The following CHD2 variants were observed in gnomAD, a reference collection of about 807,000 sequenced individuals.
CHD2 encodes the protein ATP-dependent chromatin remodeler CHD2.
Under a neutral mutation model 243.9 loss-of-function variants are expected in CHD2, and 28 were observed. The observed-to-expected ratio is 0.11, with a 90% CI of 0.09 to 0.16. The LOEUF is 0.16. Among genes scored for constraint, CHD2 ranks in the 10% least tolerant of loss-of-function variants. CHD2 has a pLI of 1.00. For missense variants in CHD2, 1,386 were observed against 2,209.8 expected (o/e 0.63, Z 7.47); for synonymous variants, 775 against 779.0 (o/e 0.99, Z 0.09).
chr15:93,002,185 C>A lies in CHD2; in HGVS notation c.4146C>A (p.Gly1382=). 1 of 1,582,594 alleles carries A rather than the reference C, an allele frequency of 6.3e-7. No homozygotes were observed. Among genetic ancestry groups the A allele is most frequent in the Non-Finnish European group, 8.5e-7 (1 of 1,170,846 alleles). The change falls in exon 33 of 39, where the codon GGC becomes GGA. Residue 1382 remains glycine (G), a synonymous_variant. Transcript: ENST00000394196. ...CCTGTTTTGTTTCCTAGGATGATGG[C>A]TTGGAAAAAAGTCCAATGAAAAAAA... ...PSEEGEVKDD[G]LEKSPMKKKQ... is the part of the protein sequence containing the mutation.
chr15:93,017,192 C>A (rs2054472662), intron 37 of CHD2, among the ~76,000 whole-genome samples: 1 of 152,226 alleles, frequency 6.6e-6, no homozygotes, highest in South Asian at 2.1e-4. Flanking sequence ...TAGCCTGTTG[C>A]AGGTGCTCAG....
At chr15:92,949,267 C>A in intron 13 of CHD2, 191 bp downstream of exon 13, 1 of 1,354,592 alleles carries the variant, frequency 7.4e-7, no homozygotes, top group Non-Finnish European at 9.5e-7. Context: ...ATGTGTAATA[C>A]CATTTTATTC....
chr15:92,904,613 T>C (rs2141703349), intron 2 of CHD2: 1 of 1,168,874 alleles, frequency 8.6e-7, no homozygotes, highest in East Asian at 5.4e-5. Flanking sequence ...GTGTGTTCTT[T>C]TGCCCATTTC....
intron 13 of CHD2, among the ~76,000 whole-genome samples, chr15:92,950,980 G>A (rs1006983064): frequency 1.3e-5 from 2 of 152,072 alleles, no homozygotes; most frequent in East Asian, 3.8e-4. Context: ...GCTTAAAAAT[G>A]ATTTTTCCTT....
chr15:92,939,482 G>A lies in CHD2; in HGVS notation c.552-96G>A. On this transcript the variant is annotated intron_variant, in intron 6 of 38. Coordinates refer to ENST00000394196, the MANE Select transcript of CHD2 (RefSeq NM_001271.4). ...TTCCCCAAGTGAAATGTTACATTCT[G>A]ATGTATGAACCACTGCTCTGGGAAA... 8 of 1,271,562 alleles carry A rather than the reference G, an allele frequency of 6.3e-6. No individual in the cohort carries two copies. The South Asian group carries it at 1.2e-4, about 20-fold the overall frequency. The allele number at this position is 1,271,562 out of a possible 1,614,324, so 78.8% of individuals were successfully genotyped here.
At chr15:92,983,860 A>G (rs1285961873) in intron 24 of CHD2, among the ~76,000 whole-genome samples, 1 of 152,222 alleles carries the variant, frequency 6.6e-6, no homozygotes, top group African/African-American at 2.4e-5. Flanking sequence ...TTTTTGATAA[A>G]AATGAATAAA....
At chr15:92,972,917 C>T (rs1234750212) in intron 19 of CHD2, among the ~76,000 whole-genome samples, 3 of 151,812 alleles carry the variant, frequency 2.0e-5, no homozygotes, top group Non-Finnish European at 4.4e-5. Flanking sequence ...CTTTAGGCTA[C>T]CATATGAAAG....
chr15:92,973,232 C>T (rs2053865575), intron 19 of CHD2, among the ~76,000 whole-genome samples: 1 of 152,116 alleles, frequency 6.6e-6, no homozygotes, highest in South Asian at 2.1e-4. Flanking sequence ...CTGTGGAGTT[C>T]CTTAACTGGA....
chr15:92,958,248 G>A (rs1398052730), intron 16 of CHD2, among the ~76,000 whole-genome samples: 1 of 152,178 alleles, frequency 6.6e-6, no homozygotes, highest in African/African-American at 2.4e-5. Flanking sequence ...TAGTTTCCCT[G>A]CGTCATCACC....
chr15:92,996,455 C>A (rs371231028), intron 28 of CHD2, among the ~76,000 whole-genome samples: 1 of 151,988 alleles, frequency 6.6e-6, no homozygotes, highest in South Asian at 2.1e-4. Context: ...CCACCGCGCC[C>A]GCCTGGGTTA....
Position 93,006,789 on chromosome 15 carries a change from T to A in CHD2, c.4413+2038T>A, listed in dbSNP as rs2054328005. 2.0e-5 allele frequency among the ~76,000 whole-genome samples: 3 copies of A among 152,236 alleles called. No individual in the cohort carries two copies. In the East Asian group the frequency reaches 5.8e-4, roughly 29 times the overall value. On this transcript the variant is annotated intron_variant, in intron 34 of 38. Coordinates refer to ENST00000394196, the MANE Select transcript of CHD2 (RefSeq NM_001271.4). ...ACAACATAGAGGATTGATTTCCATG[T>A]CTTAAAACTGTAATTGGCACTTGTG...
intron 33 of CHD2, 59 bp downstream of exon 33, chr15:93,002,376 T>G: frequency 3.8e-6 from 6 of 1,560,506 alleles, no homozygotes; most frequent in Non-Finnish European, 2.6e-6. Flanking sequence ...GCCATTTGGA[T>G]TTAGAAGTAG....
chr15:92,946,610 C>T (rs1187133181), intron 12 of CHD2: 1 of 153,192 alleles, frequency 6.5e-6, no homozygotes, highest in Non-Finnish European at 1.5e-5. Flanking sequence ...CCTCAGCCTC[C>T]TGAGCAGCTG....
intron 16 of CHD2, among the ~76,000 whole-genome samples, chr15:92,961,520 C>T (rs1391172044): frequency 6.6e-6 from 1 of 152,040 alleles, no homozygotes; most frequent in African/African-American, 2.4e-5. Context: ...CCACTTCTGT[C>T]TCTTGAGTAG....
At chr15:93,019,967 C>T in intron 37 of CHD2, 45 bp from the exon 38 acceptor site, 1 of 1,558,408 alleles carries the variant, frequency 6.4e-7, no homozygotes, top group Non-Finnish European at 8.7e-7. Flanking sequence ...AAGTGAAATT[C>T]ATCCATTTCT....
chr15:92,916,564 A>AT (rs1439384575), intron 2 of CHD2, among the ~76,000 whole-genome samples: 1 of 151,948 alleles, frequency 6.6e-6, no homozygotes, highest in Non-Finnish European at 1.5e-5. Context: ...ACACTTTTTT[A>AT]TTTTTTTGAG....
chr15:92,975,054 A>G (rs889701305), intron 20 of CHD2, 104 bp downstream of exon 20: 41 of 897,016 alleles, frequency 4.6e-5, no homozygotes, highest in Middle Eastern at 2.3e-4. Context: ...TTATAGTGCA[A>G]TTCTTTTGCC....
At position 92,944,442 on chromosome 15, in the gene CHD2, A is replaced by G. The variant is rs373927051; in HGVS notation, c.1080A>G (p.Val360=). 3.1e-6 allele frequency: 5 copies of G among 1,610,154 alleles called. No individual in the cohort carries two copies. Among genetic ancestry groups the G allele is most frequent in the East Asian group, 4.5e-5 (2 of 44,782 alleles). ...QWLGKVSPED[V]EYFNCQQELA... ...TAGGGAAAGTTTCTCCTGAAGATGT[A>G]GAATATTTCAATTGCCAACAGGAGC... is the stretch of plus-strand genomic sequence containing the variant. Residue 360 remains valine (V), a synonymous_variant, in exon 10 of 39, where the codon GTA becomes GTG. Coordinates refer to ENST00000394196, the MANE Select transcript of CHD2 (RefSeq NM_001271.4).
At chr15:92,970,616 G>C (rs939638220) in intron 17 of CHD2, among the ~76,000 whole-genome samples, 2 of 152,208 alleles carry the variant, frequency 1.3e-5, no homozygotes, top group African/African-American at 4.8e-5. Context: ...TTAGGTAAGT[G>C]GTAGCATACC....
Sources: allele counts gnomAD v4.1 joint callset (sites outside exome capture counted in the v4.1 genomes callset), GRCh38; gene constraint gnomAD v4.1.1; transcripts MANE v1.5; gene names NCBI Gene and HGNC (gene_info 2026-07-23, HGNC 2026-07-21).